FAM167A: variants seen among roughly 807,000 people sequenced by gnomAD.
FAM167A encodes the protein family with sequence similarity 167 member A.
In FAM167A, 23 loss-of-function variants were observed where a neutral mutation model predicts 14.9. The ratio of observed to expected loss-of-function variants is 1.55; its 90% CI spans 1.11 to 2.19. The LOEUF (loss-of-function observed/expected upper bound fraction) is 2.19, where lower values mean the gene tolerates loss of function less well. FAM167A is among the 30% of genes most tolerant of loss of function. The pLI is 0.00. For missense variants in FAM167A, 401 were observed against 281.5 expected (o/e 1.42, Z -3.04); for synonymous variants, 174 against 117.7 (o/e 1.48, Z -3.10).
Position 11,424,347 on chromosome 8 carries a change from G to C in FAM167A, c.*26C>G. The C allele has an allele frequency of 6.2e-7, 1 of 1,611,726 alleles. No individual in the cohort carries two copies. The highest frequency in any genetic ancestry group is 8.5e-7 in the Non-Finnish European group (1 of 1,178,076). On this transcript the variant is annotated 3_prime_UTR_variant, in exon 3 of 3. Transcript: ENST00000284486. ...CCTCCAGCCCAAGCCCTCCGCTCCA[G>C]CCCCTCCGCCCAGTCTGAGGGCTCC...
rs903087280 is a variant in FAM167A at position 11,423,186 on chromosome 8, C to A, written c.*1187G>T. ...AAACACTCCTTATCTCAGGATTCTA[C>A]GGGTCTGGCCGAGGGACCCCTGCCA... On this transcript the variant is annotated 3_prime_UTR_variant, in exon 3 of 3. Coordinates refer to ENST00000284486, the MANE Select transcript of FAM167A (RefSeq NM_053279.3). 1 of 152,218 alleles carries A rather than the reference C, an allele frequency of 6.6e-6. No homozygotes were observed. Among genetic ancestry groups the A allele is most frequent in the African/African-American group, 2.4e-5 (1 of 41,424 alleles). 9.4% of individuals were successfully genotyped at this position (152,218 alleles called of 1,614,324 possible).
chr8:11,424,730 G>C lies in FAM167A; in HGVS notation c.382-94C>G, dbSNP rs1237200852. 4 of 1,488,824 alleles carry C rather than the reference G, an allele frequency of 2.7e-6. No homozygotes were observed. The African/African-American group carries it at 5.5e-5, about 21-fold the overall frequency. 92.2% of individuals were successfully genotyped at this position (1,488,824 alleles called of 1,614,324 possible). Reference sequence around the variant, plus strand: ...TAGCAGGGCCCTGACTAATGTCTTAGTTCATTAAGTGGTCCATCTAGAAAT... The same window carrying C: ...TAGCAGGGCCCTGACTAATGTCTTACTTCATTAAGTGGTCCATCTAGAAAT... On this transcript the variant is annotated intron_variant, in intron 2 of 2. Transcript: ENST00000284486.
chr8:11,465,403 C>T lies in FAM167A; in HGVS notation c.-398+1223G>A, dbSNP rs74716872. Among the ~76,000 whole-genome samples the T allele has an allele frequency of 2.1e-3, 318 of 152,256 alleles. 3 individuals are homozygous for T. The highest frequency in any genetic ancestry group is 7.3e-3 in the African/African-American group (302 of 41,538). ...CCAGGTCACTCAATTTCTTAGAGTC[C>T]CATTGGCAAAACGGATAATAGAGTC... On this transcript the variant is annotated intron_variant, in intron 1 of 2. Transcript: ENST00000284486.
rs1585221220 is a variant in FAM167A, at chr8:11,424,255, C to T, written c.*118G>A. The T allele has an allele frequency of 7.1e-7, 1 of 1,401,256 alleles. No homozygotes were observed. The allele number at this position is 1,401,256 out of a possible 1,614,324, so 86.8% of individuals were successfully genotyped here. On this transcript the variant is annotated 3_prime_UTR_variant, in exon 3 of 3. Coordinates refer to ENST00000284486, the MANE Select transcript of FAM167A (RefSeq NM_053279.3). ...ATAGGTCCTGGGGCCCTTGAGTCGC[C>T]AGTCCCAGGGACCCCTGCCTCCGGG...
intron 1 of FAM167A, among the ~76,000 whole-genome samples, chr8:11,463,682 C>T (rs956934920): frequency 7.2e-5 from 11 of 152,206 alleles, no homozygotes; most frequent in African/African-American, 2.7e-4. Context: ...CATCTACTGC[C>T]AGCTTCCACC....
At chr8:11,431,466 G>A (rs1401431952) in intron 2 of FAM167A, among the ~76,000 whole-genome samples, 3 of 152,224 alleles carry the variant, frequency 2.0e-5, no homozygotes, top group Non-Finnish European at 4.4e-5. Context: ...GGATGGTGGT[G>A]ACGGCTGCAC....
At chr8:11,434,919 T>C (rs1805897785) in intron 2 of FAM167A, 2 of 410,566 alleles carry the variant, frequency 4.9e-6, no homozygotes, top group South Asian at 1.8e-5. Flanking sequence ...ATGTGACTGC[T>C]GCTGGCTGGG....
At chr8:11,434,952 C>T in intron 2 of FAM167A, 1 of 444,880 alleles carries the variant, frequency 2.2e-6, no homozygotes, top group Non-Finnish European at 4.5e-6. Context: ...CAGAGGACAG[C>T]ATCACTGGCA....
intron 2 of FAM167A, among the ~76,000 whole-genome samples, chr8:11,431,920 G>GAAGGA (rs1805628241): frequency 1.2e-5 from 1 of 85,394 alleles, no homozygotes; most frequent in African/African-American, 5.2e-5. Context: ...AAAAAAAAAA[G>GAAGGA]GATTTTGTTC....
intron 2 of FAM167A, among the ~76,000 whole-genome samples, chr8:11,431,347 C>G (rs1285394696): frequency 6.6e-6 from 1 of 152,152 alleles, no homozygotes; most frequent in Non-Finnish European, 1.5e-5. Context: ...TAGTCCAATT[C>G]ATAGTGATGG....
At chr8:11,433,592 C>G (rs1487570974) in intron 2 of FAM167A, among the ~76,000 whole-genome samples, 1 of 152,184 alleles carries the variant, frequency 6.6e-6, no homozygotes, top group African/African-American at 2.4e-5. Context: ...AGGGGCCAAC[C>G]AGAGGCGAAA....
intron 2 of FAM167A, among the ~76,000 whole-genome samples, chr8:11,426,374 T>C (rs1805147914): frequency 6.6e-6 from 1 of 152,230 alleles, no homozygotes; most frequent in South Asian, 2.1e-4. Flanking sequence ...CTCATGAGAC[T>C]GTTCCCTGGC....
intron 1 of FAM167A, among the ~76,000 whole-genome samples, chr8:11,461,805 T>C (rs1440669780): frequency 6.6e-6 from 1 of 152,256 alleles, no homozygotes; most frequent in Non-Finnish European, 1.5e-5. Context: ...ATTTCTATTT[T>C]ACTCTGCAGC....
intron 2 of FAM167A, among the ~76,000 whole-genome samples, chr8:11,426,513 C>A (rs143000160): frequency 5.3e-5 from 8 of 152,288 alleles, no homozygotes; most frequent in African/African-American, 1.9e-4. Context: ...CCCAAACCCA[C>A]TGTAAACCAA....
chr8:11,456,348 G>A (rs1365398997), intron 1 of FAM167A, among the ~76,000 whole-genome samples: 1 of 21,998 alleles, frequency 4.5e-5, no homozygotes, highest in Non-Finnish European at 1.1e-4. Context: ...TGGGGTGGTT[G>A]CCCTGCTGGG....
At chr8:11,437,241 T>C (rs1426089418) in intron 2 of FAM167A, among the ~76,000 whole-genome samples, 2 of 152,188 alleles carry the variant, frequency 1.3e-5, no homozygotes, top group Non-Finnish European at 2.9e-5. Context: ...GCAAGTTTTT[T>C]AACCTCAGTT....
chr8:11,425,292 A>G (rs962238551), intron 2 of FAM167A, among the ~76,000 whole-genome samples: 1 of 152,198 alleles, frequency 6.6e-6, no homozygotes. Context: ...ATCATCACCC[A>G]CAGCTTATAG....
intron 1 of FAM167A, among the ~76,000 whole-genome samples, chr8:11,448,795 A>C (rs1806901213): frequency 6.6e-6 from 1 of 152,232 alleles, no homozygotes; most frequent in Admixed American, 6.5e-5. Context: ...TCTGCATGGC[A>C]GACCAAGGCC....
In FAM167A at chr8:11,475,626, A is replaced by G. The variant is rs1585293460; in HGVS notation, c.-398+240T>C. On this transcript the variant is annotated intron_variant, in intron 1 of 1. Coordinates refer to the FAM167A transcript ENST00000648766. ...CCATCAGAAGAGCCATTACGTTTTA[A>G]AAACCCACCCCACACAAGCACACCC... Among the ~76,000 whole-genome samples, 3 of 152,258 alleles carry G rather than the reference A, an allele frequency of 2.0e-5. No individual in the cohort carries two copies. In the South Asian group the frequency reaches 6.2e-4, roughly 32 times the overall value.
Sources: gnomAD v4.1 joint callset for allele counts (sites outside exome capture counted in the v4.1 genomes callset) on GRCh38, gnomAD v4.1.1 for gene constraint, MANE v1.5 for transcripts, NCBI Gene and HGNC (gene_info 2026-07-23, HGNC 2026-07-21) for gene names.